The following DDX60 variants were observed in gnomAD, a reference collection of about 807,000 sequenced individuals.
DDX60 encodes DExD/H-box helicase 60.
Under a neutral mutation model 212.8 loss-of-function variants are expected in DDX60, and 165 were observed. That is an observed-to-expected ratio of 0.78 (90% CI 0.68 to 0.88). The LOEUF is 0.88. Among genes scored for constraint, DDX60 ranks in the 40% least tolerant of loss-of-function variants. DDX60 has a pLI of 0.00. For missense variants in DDX60, 1,905 were observed against 2,003.9 expected (o/e 0.95, Z 0.94); for synonymous variants, 703 against 685.3 (o/e 1.03, Z -0.40).
At chr4:168,309,455 T>A (rs1477104385) in intron 3 of DDX60, among the ~76,000 whole-genome samples, 1 of 151,694 alleles carries the variant, frequency 6.6e-6, no homozygotes, top group Non-Finnish European at 1.5e-5. Context: ...AAGAAATGAG[T>A]GAAGGCATTG....
chr4:168,299,826 C>G (rs1056681982), intron 6 of DDX60, among the ~76,000 whole-genome samples: 2 of 152,018 alleles, frequency 1.3e-5, no homozygotes, highest in African/African-American at 4.8e-5. Context: ...CAAAAAAGCA[C>G]CAGGACTATA....
the DDX60 span, among the ~76,000 whole-genome samples, chr4:168,324,901 A>T: frequency 6.6e-6 from 1 of 152,212 alleles, no homozygotes; most frequent in African/African-American, 2.4e-5. Context: ...TGTGCAACAG[A>T]AGGCTGCTGA....
chr4:168,279,769 CT>C (rs1225317945), intron 14 of DDX60, among the ~76,000 whole-genome samples: 1 of 152,100 alleles, frequency 6.6e-6, no homozygotes, highest in Admixed American at 6.5e-5. Context: ...AATGGAAGAA[CT>C]TATTGAGTCA....
chr4:168,281,333 C>G (rs1735584285), intron 13 of DDX60, among the ~76,000 whole-genome samples: 2 of 152,140 alleles, frequency 1.3e-5, no homozygotes, highest in Admixed American at 1.3e-4. Flanking sequence ...CCCTGACTCT[C>G]CCAAGTCGAA....
chr4:168,225,668 A>G lies in DDX60; in HGVS notation c.4542T>C (p.Leu1514=). 6.2e-7 allele frequency: 1 copy of G among 1,610,216 alleles called. No individual in the cohort carries two copies. Among genetic ancestry groups the G allele is most frequent in the Non-Finnish European group, 8.5e-7 (1 of 1,178,488 alleles). ...CACTAAAATCCTCAGGGAGATCATC[A>G]AGGAACACCTAGAAGCCGAATAATT... ...HFEFYQSKVF[L]DDLPEDFSDA... is the part of the protein sequence containing the mutation. Residue 1514 remains leucine (L), a synonymous_variant, in exon 34 of 38, where the codon CTT becomes CTC. Transcript: ENST00000393743.
At position 168,273,967 on chromosome 4, in the gene DDX60, G is replaced by T; in HGVS notation, c.2421C>A (p.Asp807Glu). 1 of 1,614,114 alleles carries T rather than the reference G, an allele frequency of 6.2e-7. No homozygotes were observed. Residue 807 changes from aspartate to glutamate, a missense_variant, in exon 17 of 38, where the codon GAC becomes GAA. Transcript: ENST00000393743. Reference sequence around the variant, plus strand: ...GTGCAACGTACACGACCACCCCGTCGTCGCTCTCCTTCAGCACTTTCTCCA... The same window carrying T: ...GTGCAACGTACACGACCACCCCGTCTTCGCTCTCCTTCAGCACTTTCTCCA... ...YCMEKVLKES[D>E]DGVVVYVAPT...
At chr4:168,297,302 GAAAGAAAGAAAGA>G (rs1290002087) in intron 6 of DDX60, among the ~76,000 whole-genome samples, 2 of 6,098 alleles carry the variant, frequency 3.3e-4, no homozygotes, top group South Asian at 7.8e-3. Flanking sequence ...AGAGACGAAA[GAAAGAAAGAAAGA>G]AAGAAAGAAA....
At chr4:168,259,297 A>C (rs1734532026) in intron 25 of DDX60, among the ~76,000 whole-genome samples, 1 of 152,216 alleles carries the variant, frequency 6.6e-6, no homozygotes, top group Non-Finnish European at 1.5e-5. Context: ...AGGCTTTCAG[A>C]AATATCCCAG....
At chr4:168,307,524 G>A (rs1736937673) in intron 4 of DDX60, among the ~76,000 whole-genome samples, 1 of 152,072 alleles carries the variant, frequency 6.6e-6, no homozygotes, top group Non-Finnish European at 1.5e-5. Flanking sequence ...GCTCACTGCA[G>A]TGTCAAACTC....
intron 6 of DDX60, among the ~76,000 whole-genome samples, chr4:168,300,772 G>A (rs1171205605): frequency 6.6e-6 from 1 of 152,146 alleles, no homozygotes; most frequent in Non-Finnish European, 1.5e-5. Context: ...AAGGAGGTGG[G>A]TGAGAAAGTC....
intron 7 of DDX60, 127 bp from the exon 8 acceptor site, chr4:168,292,033 C>T (rs1736128263): frequency 4.9e-6 from 2 of 406,476 alleles, no homozygotes; most frequent in African/African-American, 3.1e-5. Context: ...TCCTTTCTTT[C>T]TTTCTTTCTT....
At chr4:168,249,088 A>G (rs545087946) in intron 28 of DDX60, among the ~76,000 whole-genome samples, 207 of 151,076 alleles carry the variant, frequency 1.4e-3, no homozygotes, top group Non-Finnish European at 2.0e-3. Context: ...GAATAACTAG[A>G]AAGAAAATTT....
At chr4:168,229,049 CA>C (rs1180745341) in intron 33 of DDX60, among the ~76,000 whole-genome samples, 1 of 152,046 alleles carries the variant, frequency 6.6e-6, no homozygotes, top group Non-Finnish European at 1.5e-5. Flanking sequence ...CCCACTCAGA[CA>C]GACAGATCAG....
At position 168,255,572 on chromosome 4, in the gene DDX60, C is replaced by T; in HGVS notation, c.3557+139G>A. 3 of 668,046 alleles carry T rather than the reference C, an allele frequency of 4.5e-6. No individual in the cohort carries two copies. The South Asian group carries it at 8.0e-5, about 18-fold the overall frequency. 41.4% of individuals were successfully genotyped at this position (668,046 alleles called of 1,614,324 possible). A position where few individuals can be genotyped will look rare whatever the true frequency, so the allele number is the denominator to read the frequency against. ...CACTCATCTTTATCCCATTCTCTCA[C>T]CCAAATGTACTCAATTTAGAAATAA... On this transcript the variant is annotated intron_variant, in intron 26 of 37. Transcript: ENST00000393743.
At chr4:168,291,713 C>T (rs1254355311) in intron 8 of DDX60, 35 bp downstream of exon 8, 3 of 1,489,584 alleles carry the variant, frequency 2.0e-6, no homozygotes, top group Non-Finnish European at 1.8e-6. Context: ...ACATTCAAAA[C>T]ACAAAAATAG....
At position 168,252,586 on chromosome 4, in the gene DDX60, G is replaced by A. The variant is rs752924632; in HGVS notation, c.3628C>T (p.Leu1210=). ...SLIHEAEHDN[L]VKCLEKNLEI... is the part of the protein sequence containing the mutation. ...AGGTTCTTCTCTAGACACTTCACTA[G>A]ATTATCATGTTCAGCTTCATGTATT... The change falls in exon 27 of 38, where the codon CTA becomes TTA. Residue 1210 remains leucine, a synonymous_variant. Transcript: ENST00000393743. 1.9e-6 allele frequency: 3 copies of A among 1,613,716 alleles called. No homozygotes were observed. The East Asian group carries it at 6.7e-5, about 36-fold the overall frequency.
intron 33 of DDX60, among the ~76,000 whole-genome samples, chr4:168,231,701 A>G (rs1578975512): frequency 6.6e-6 from 1 of 152,088 alleles, no homozygotes; most frequent in African/African-American, 2.4e-5. Context: ...ATTGGCATAG[A>G]AAGGACATAG....
chr4:168,236,778 A>C (rs984546533), intron 32 of DDX60, among the ~76,000 whole-genome samples: 2 of 151,816 alleles, frequency 1.3e-5, no homozygotes, highest in Admixed American at 1.3e-4. Flanking sequence ...TTAGGGGAAA[A>C]TATGATTCTA....
intron 8 of DDX60, among the ~76,000 whole-genome samples, chr4:168,290,794 C>A (rs1484223695): frequency 1.3e-5 from 2 of 152,106 alleles, no homozygotes; most frequent in African/African-American, 2.4e-5. Context: ...AAATGTAGGT[C>A]TATGAAGGGG....
Sources: gnomAD v4.1 joint callset for allele counts (sites outside exome capture counted in the v4.1 genomes callset) on GRCh38, gnomAD v4.1.1 for gene constraint, MANE v1.5 for transcripts, NCBI Gene and HGNC (gene_info 2026-07-23, HGNC 2026-07-21) for gene names.